SIK3: variants seen among roughly 807,000 people sequenced by gnomAD.
SIK3 encodes the protein SIK family kinase 3.
Under a neutral mutation model 144.2 loss-of-function variants are expected in SIK3, and 28 were observed. The ratio of observed to expected loss-of-function variants is 0.19; its 90% CI spans 0.14 to 0.27. The LOEUF is 0.27. SIK3 is among the 10% of genes least tolerant of loss of function. The pLI is 1.00. For missense variants in SIK3, 1,319 were observed against 1,776.0 expected, an observed-to-expected ratio of 0.74 and a Z score of 4.62; for synonymous variants, 686 against 676.3, an observed-to-expected ratio of 1.01 and a Z score of -0.22.
At chr11:117,027,914 G>A (rs998374086) in intron 1 of SIK3, among the ~76,000 whole-genome samples, 1 of 152,188 alleles carries the variant, frequency 6.6e-6, no homozygotes, top group Non-Finnish European at 1.5e-5. Flanking sequence ...TAATTGATGA[G>A]TACGTCTACC....
intron 1 of SIK3, among the ~76,000 whole-genome samples, chr11:117,043,192 A>C (rs186593252): frequency 0.07 from 10,722 of 152,182 alleles, 669 homozygotes; most frequent in African/African-American, 0.17. Flanking sequence ...ATCCCTCCGA[A>C]CGTGCCATGA....
At chr11:117,091,200 C>CTTTTTTTTTTTTTT (rs386375011) in intron 1 of SIK3, among the ~76,000 whole-genome samples, 1 of 93,008 alleles carries the variant, frequency 1.1e-5, no homozygotes, top group Non-Finnish European at 2.0e-5. Flanking sequence ...TTTTTTTTTT[C>CTTTTTTTTTTTTTT]TTTTTTTTTT....
At chr11:116,953,917 GA>G (rs1565495516) in intron 3 of SIK3, 126 bp downstream of exon 3, 2 of 637,446 alleles carry the variant, frequency 3.1e-6, no homozygotes, top group African/African-American at 3.7e-5. Flanking sequence ...TTTGTTGATA[GA>G]AAATGGCAGG....
chr11:117,060,123 GTAAA>G (rs1451007550), intron 1 of SIK3, among the ~76,000 whole-genome samples: 2 of 152,150 alleles, frequency 1.3e-5, no homozygotes, highest in Non-Finnish European at 2.9e-5. Flanking sequence ...AGGTGAATGG[GTAAA>G]TAAACAGTGG....
Position 117,098,356 on chromosome 11 carries a change from G to A in SIK3, c.60C>T (p.Ala20=). 1 of 1,158,962 alleles carries A rather than the reference G, an allele frequency of 8.6e-7. No individual in the cohort carries two copies. The allele number at this position is 1,158,962 out of a possible 1,614,324, so 71.8% of individuals were successfully genotyped here. A position where few individuals can be genotyped will look rare whatever the true frequency, so the allele number is the denominator to read the frequency against. The change falls in exon 1 of 25, where the codon GCC becomes GCT. Residue 20 remains alanine (A), a synonymous_variant. Coordinates refer to ENST00000445177, the MANE Select transcript of SIK3 (RefSeq NM_001366686.3). Reference sequence around the variant, plus strand: ...GAGGCAGCAGGCGGCCCGCGGGCCCGGCTCCCCCAGTCCCGGCCCCGGCAG... The same window carrying A: ...GAGGCAGCAGGCGGCCCGCGGGCCCAGCTCCCCCAGTCCCGGCCCCGGCAG... ...GGAAGAGTGG[A]GPAGRLLPPP...
chr11:116,878,953 C>T (rs761724725), intron 6 of SIK3, among the ~76,000 whole-genome samples: 2 of 152,114 alleles, frequency 1.3e-5, no homozygotes, highest in East Asian at 1.9e-4. Flanking sequence ...ATTGTCTTCA[C>T]GCAAATGATT....
In SIK3 at chr11:116,847,576, G is replaced by A. The variant is rs1016240093; in HGVS notation, c.3852C>T (p.Leu1284=). ...VQLDNLPGMS[L]VAGKALSSAR... Reference sequence around the variant, plus strand: ...CAGAGCTAAGTGCTTTCCCAGCCACGAGACTCATTCCTGGCAAGTTATCCA... The same window carrying A: ...CAGAGCTAAGTGCTTTCCCAGCCACAAGACTCATTCCTGGCAAGTTATCCA... The change falls in exon 23 of 25, where the codon CTC becomes CTT. Residue 1284 remains leucine (L), a synonymous_variant. Transcript: ENST00000445177. 17 of 1,614,160 alleles carry A rather than the reference G, an allele frequency of 1.1e-5. No homozygotes were observed. Among genetic ancestry groups the A allele is most frequent in the East Asian group, 2.2e-5 (1 of 44,876 alleles).
At position 116,855,601 on chromosome 11, in the gene SIK3, G is replaced by A. The variant is rs796552728; in HGVS notation, c.3655+2209C>T. ...ATTTCAGGAAGTATTGAAAGTACAC[G>A]GTAACTCAGCCTGGGGCAGGGGTGG... On this transcript the variant is annotated intron_variant, in intron 21 of 24. Transcript: ENST00000445177. 1.5e-4 allele frequency: 23 copies of A among 152,364 alleles called. 1 individual carries two copies. Among genetic ancestry groups the A allele is most frequent in the African/African-American group, 5.3e-4 (22 of 41,564 alleles). 9.4% of individuals were successfully genotyped at this position (152,364 alleles called of 1,614,324 possible).
chr11:116,896,254 T>C lies in SIK3; in HGVS notation c.864A>G (p.Thr288=). ...GCTGTGTGCTAGCGACTCCCTTACC[T>C]GTGGACATAAAAAATGGGATGCGGA... ...GKFRIPFFMS[T]ECEHLIRHML... The change falls in exon 6 of 25, where the codon ACA becomes ACG. Residue 288 remains threonine (T), a splice_region_variant and synonymous_variant. Coordinates refer to ENST00000445177, the MANE Select transcript of SIK3 (RefSeq NM_001366686.3). The C allele has an allele frequency of 2.5e-6, 4 of 1,613,472 alleles. No homozygotes were observed. The highest frequency in any genetic ancestry group is 3.4e-6 in the Non-Finnish European group (4 of 1,179,540).
intron 1 of SIK3, among the ~76,000 whole-genome samples, chr11:116,989,192 T>C (rs1950418936): frequency 6.6e-6 from 1 of 151,962 alleles, no homozygotes; most frequent in Non-Finnish European, 1.5e-5. Context: ...CACCTTTCCT[T>C]CCACTTTTTT....
At chr11:116,866,720 G>C (rs1462821027) in intron 15 of SIK3, among the ~76,000 whole-genome samples, 1 of 152,166 alleles carries the variant, frequency 6.6e-6, no homozygotes. Flanking sequence ...GATTGCAGGC[G>C]TGAACCACCG....
chr11:116,904,578 T>G (rs914615261), intron 4 of SIK3, among the ~76,000 whole-genome samples: 1 of 152,202 alleles, frequency 6.6e-6, no homozygotes, highest in African/African-American at 2.4e-5. Context: ...CTCTCCATGC[T>G]CCACTCATTT....
At chr11:116,976,715 G>A (rs980317425) in intron 1 of SIK3, among the ~76,000 whole-genome samples, 8 of 152,222 alleles carry the variant, frequency 5.3e-5, no homozygotes, top group Admixed American at 2.0e-4. Context: ...GACCCAGAAC[G>A]CAGTTGTGGT....
chr11:117,076,822 T>A (rs1954565219), intron 1 of SIK3, among the ~76,000 whole-genome samples: 1 of 152,166 alleles, frequency 6.6e-6, no homozygotes, highest in African/African-American at 2.4e-5. Flanking sequence ...ATTACAGGCA[T>A]GAGCCACTGC....
chr11:116,944,512 A>G (rs1168695184), intron 3 of SIK3, among the ~76,000 whole-genome samples: 1 of 152,148 alleles, frequency 6.6e-6, no homozygotes, highest in African/African-American at 2.4e-5. Flanking sequence ...AAAAACACTG[A>G]ACACAGAGGC....
Position 116,946,972 on chromosome 11 carries a change from G to A in SIK3, c.454+7072C>T, listed in dbSNP as rs1185084791. 4.6e-5 allele frequency among the ~76,000 whole-genome samples: 7 copies of A among 151,138 alleles called. No individual in the cohort carries two copies. The East Asian group carries it at 7.8e-4, about 17-fold the overall frequency. ...CTACTAAAAATACAAAAAATTAGCC[G>A]GGCATAGTGGCGAGTGCCTGTAGTC... On this transcript the variant is annotated intron_variant, in intron 3 of 24. Transcript: ENST00000445177.
Position 117,098,389 on chromosome 11 carries a change from A to C in SIK3, c.27T>G (p.Ala9=). 1 of 1,153,514 alleles carries C rather than the reference A, an allele frequency of 8.7e-7. No homozygotes were observed. The highest frequency in any genetic ancestry group is 1.1e-6 in the Non-Finnish European group (1 of 940,430). The allele number at this position is 1,153,514 out of a possible 1,614,324, so 71.5% of individuals were successfully genotyped here. A position where few individuals can be genotyped will look rare whatever the true frequency, so the allele number is the denominator to read the frequency against. The change falls in exon 1 of 25, where the codon GCT becomes GCG. Residue 9 remains alanine (A), a synonymous_variant. Coordinates refer to ENST00000445177, the MANE Select transcript of SIK3 (RefSeq NM_001366686.3). MAAAAASG[A]GGAAGAGTGG... ...CAGTCCCGGCCCCGGCAGCCCCGCC[A>C]GCTCCGCTCGCCGCCGCCGCCGCCA... is the stretch of plus-strand genomic sequence containing the variant.
Position 116,862,211 on chromosome 11 carries a change from T to C in SIK3, c.2220A>G (p.Gln740=), listed in dbSNP as rs766031308. 3.1e-6 allele frequency: 5 copies of C among 1,614,236 alleles called. No individual in the cohort carries two copies. The South Asian group carries it at 5.5e-5, about 18-fold the overall frequency. The change falls in exon 17 of 25, where the codon CAA becomes CAG. Residue 740 remains glutamine (Q), a synonymous_variant. Transcript: ENST00000445177. ...QQEQHHQILQ[Q]QIQDSICPPQ... ...AAGAGTGAGGGCCTACTTGAATTTG[T>C]TGCTGGAGAATTTGATGGTGCTGCT...
chr11:116,888,819 T>A (rs1944956688), intron 6 of SIK3, among the ~76,000 whole-genome samples: 1 of 152,258 alleles, frequency 6.6e-6, no homozygotes, highest in East Asian at 1.9e-4. Context: ...TCAGGTTAAC[T>A]AACATCATAT....
Sources: gnomAD v4.1 joint callset for allele counts (sites outside exome capture counted in the v4.1 genomes callset) on GRCh38, gnomAD v4.1.1 for gene constraint, MANE v1.5 for transcripts, NCBI Gene and HGNC (gene_info 2026-07-23, HGNC 2026-07-21) for gene names.